Variants in POC1B observed in about 807,000 individuals in gnomAD.
POC1B encodes the protein POC1 centriolar protein homolog B.
Under a neutral mutation model 60.6 loss-of-function variants are expected in POC1B, and 44 were observed. That is an observed-to-expected ratio of 0.73 (90% CI 0.57 to 0.93). The LOEUF (loss-of-function observed/expected upper bound fraction) is 0.93, where lower values mean the gene tolerates loss of function less well. Ranked by LOEUF, POC1B falls within the 40% of genes least tolerant of loss-of-function variation. The pLI, the probability that POC1B is intolerant of heterozygous loss-of-function variation, is 0.00. For missense variants in POC1B, 555 were observed against 572.3 expected, an observed-to-expected ratio of 0.97 and a Z score of 0.31; for synonymous variants, 180 against 198.9, an observed-to-expected ratio of 0.90 and a Z score of 0.80.
intron 9 of POC1B, among the ~76,000 whole-genome samples, chr12:89,465,061 C>A (rs1336595337): frequency 6.6e-6 from 1 of 151,986 alleles, no homozygotes; most frequent in Admixed American, 6.6e-5. Flanking sequence ...TCTAATTCCA[C>A]GATGAAGAAA....
chr12:89,492,174 A>G, intron 3 of POC1B, 59 bp from the exon 4 acceptor site: 1 of 1,264,508 alleles, frequency 7.9e-7, no homozygotes, highest in Non-Finnish European at 1.1e-6. Flanking sequence ...TTAATACTTA[A>G]TCACAATACA....
At chr12:89,454,002 T>C (rs1882158734) in intron 10 of POC1B, among the ~76,000 whole-genome samples, 1 of 152,190 alleles carries the variant, frequency 6.6e-6, no homozygotes, top group Non-Finnish European at 1.5e-5. Flanking sequence ...CCAATGCACT[T>C]TGCTAGAAAA....
At chr12:89,460,762 T>C (rs1882453161) in intron 9 of POC1B, 1 of 152,220 alleles carries the variant, frequency 6.6e-6, no homozygotes, top group Non-Finnish European at 1.5e-5. Flanking sequence ...TTACATAAAG[T>C]TCAAACTCAT....
chr12:89,472,470 A>C (rs1882937649), intron 4 of POC1B, 195 bp from the exon 5 acceptor site: 1 of 496,956 alleles, frequency 2.0e-6, no homozygotes, highest in Non-Finnish European at 3.5e-6. Context: ...TTAAAAGGTC[A>C]AAATATGCTA....
the POC1B span, among the ~76,000 whole-genome samples, chr12:89,408,057 T>C: frequency 6.6e-6 from 1 of 152,138 alleles, no homozygotes; most frequent in African/African-American, 2.4e-5. Flanking sequence ...ACATGCGGTG[T>C]TTGGTTTTCT....
At chr12:89,407,148 CAAAAAA>C in the POC1B span, among the ~76,000 whole-genome samples, 6 of 63,382 alleles carry the variant, frequency 9.5e-5, 1 homozygote, top group East Asian at 2.5e-3. Context: ...GACTCCGTCT[CAAAAAA>C]AAAAAAAAAA....
intron 3 of POC1B, among the ~76,000 whole-genome samples, chr12:89,496,518 C>A (rs1592627569): frequency 6.6e-6 from 1 of 152,128 alleles, no homozygotes; most frequent in African/African-American, 2.4e-5. Context: ...TGATGCTATT[C>A]ATTCTATTTT....
At chr12:89,467,111 T>C (rs1882714798) in intron 8 of POC1B, among the ~76,000 whole-genome samples, 189 bp from the exon 9 acceptor site, 1 of 152,150 alleles carries the variant, frequency 6.6e-6, no homozygotes, top group African/African-American at 2.4e-5. Context: ...ACATTTTGAA[T>C]TGCCTTCATG....
At chr12:89,519,797 G>A (rs1870694871) in intron 2 of POC1B, 1 of 77,928 alleles carries the variant, frequency 1.3e-5, no homozygotes, top group Non-Finnish European at 2.8e-5. Flanking sequence ...TCCTCCTGGT[G>A]ACTAGATTTT....
chr12:89,407,148 CAAAAA>C, the POC1B span, among the ~76,000 whole-genome samples: 2 of 63,386 alleles, frequency 3.2e-5, no homozygotes, highest in African/African-American at 6.4e-5. Context: ...GACTCCGTCT[CAAAAA>C]AAAAAAAAAA....
chr12:89,472,407 A>C (rs1255703872), intron 4 of POC1B, 132 bp from the exon 5 acceptor site: 2 of 615,140 alleles, frequency 3.3e-6, no homozygotes, highest in Non-Finnish European at 5.6e-6. Context: ...CATGCAGTAA[A>C]GTCATATTCT....
At chr12:89,471,768 CTTTTTT>C in intron 5 of POC1B, 39 bp from the exon 6 acceptor site, 4 of 819,846 alleles carry the variant, frequency 4.9e-6, no homozygotes, top group East Asian at 3.1e-5. Flanking sequence ...ATTTCAATTT[CTTTTTT>C]TTTTTTTTTT....
chr12:89,524,984 C>T, intron 2 of POC1B, 136 bp downstream of exon 2: 1 of 1,344,816 alleles, frequency 7.4e-7, no homozygotes, highest in Non-Finnish European at 1.0e-6. Context: ...CCGCGCTGGG[C>T]CCTCGTCTCC....
chr12:89,492,227 T>C, intron 3 of POC1B, 112 bp from the exon 4 acceptor site: 1 of 907,896 alleles, frequency 1.1e-6, no homozygotes, highest in Non-Finnish European at 1.5e-6. Flanking sequence ...ATGGTTTAAC[T>C]CTTGTAAAAC....
chr12:89,412,758 C>A, the POC1B span, among the ~76,000 whole-genome samples: 1 of 152,088 alleles, frequency 6.6e-6, no homozygotes, highest in Non-Finnish European at 1.5e-5. Context: ...CTCATCCTGC[C>A]ATGTCTTGGT....
chr12:89,504,351 T>G (rs908829157), intron 2 of POC1B, among the ~76,000 whole-genome samples: 3 of 152,162 alleles, frequency 2.0e-5, no homozygotes, highest in Admixed American at 6.5e-5. Context: ...CACTCAGGGT[T>G]AAATGGATTA....
At chr12:89,501,715 A>C in intron 2 of POC1B, 1 of 937,640 alleles carries the variant, frequency 1.1e-6, no homozygotes, top group Non-Finnish European at 1.7e-6. Flanking sequence ...ATCAGAGGAG[A>C]GTCCTGTTTA....
chr12:89,473,280 AC>A lies in POC1B; in HGVS notation c.453-1006del, dbSNP rs370308585. Among the ~76,000 whole-genome samples, 74 of 152,342 alleles carry A rather than the reference AC, an allele frequency of 4.9e-4. No homozygotes were observed. In the South Asian group the frequency reaches 5.0e-3, roughly 10 times the overall value. ...CTCCCTACTCCCATTCTTAAGGCTG[AC>A]CTAAAATTAATTCTTTGTGACAGAA... On this transcript the variant is annotated intron_variant, in intron 4 of 11. Coordinates refer to ENST00000313546, the MANE Select transcript of POC1B (RefSeq NM_172240.3).
chr12:89,504,714 A>G (rs1869815773), intron 2 of POC1B, among the ~76,000 whole-genome samples: 1 of 152,234 alleles, frequency 6.6e-6, no homozygotes, highest in African/African-American at 2.4e-5. Flanking sequence ...GATACCACTA[A>G]CCAAGTAGAA....
Sources: gnomAD v4.1 joint callset for allele counts (sites outside exome capture counted in the v4.1 genomes callset) on GRCh38, gnomAD v4.1.1 for gene constraint, MANE v1.5 for transcripts, NCBI Gene and HGNC (gene_info 2026-07-23, HGNC 2026-07-21) for gene names.